UNC5A: variants seen among roughly 807,000 people sequenced by gnomAD.
UNC5A encodes unc-5 netrin receptor A.
A neutral mutation model predicts 87.4 loss-of-function variants in UNC5A; 20 were observed. The observed-to-expected ratio is 0.23, with a 90% CI of 0.16 to 0.33. The LOEUF (loss-of-function observed/expected upper bound fraction) is 0.33, where lower values mean the gene tolerates loss of function less well. Ranked by LOEUF, UNC5A falls within the 10% of genes least tolerant of loss-of-function variation. UNC5A has a pLI of 1.00. For missense variants in UNC5A, 844 were observed against 1,133.4 expected, an observed-to-expected ratio of 0.74 and a Z score of 3.67; for synonymous variants, 438 against 482.3, an observed-to-expected ratio of 0.91 and a Z score of 1.20.
chr5:176,874,143 G>T lies in UNC5A; in HGVS notation c.1062G>T (p.Lys354Asn), dbSNP rs1368240054. 1 of 1,613,498 alleles carries T rather than the reference G, an allele frequency of 6.2e-7. No homozygotes were observed. Among genetic ancestry groups the T allele is most frequent in the Admixed American group, 1.7e-5 (1 of 60,014 alleles). ...LTSGFQPVSIKPSKADNPHLL... is the reference protein window; with the variant it reads ...LTSGFQPVSINPSKADNPHLL... Reference sequence around the variant, plus strand: ...CAGGCTTCCAGCCCGTCAGCATCAAGCCCAGCAAAGCAGGTGAGGGGCCCC... The same window carrying T: ...CAGGCTTCCAGCCCGTCAGCATCAATCCCAGCAAAGCAGGTGAGGGGCCCC... The change falls in exon 7 of 15, where the codon AAG becomes AAT. Residue 354 changes from lysine to asparagine, a missense_variant. By Grantham distance (94) the Lys-to-Asn change is moderately conservative. This residue lies in a region of UNC5A where 353 missense variants were observed against 387.5 expected (regional missense o/e 0.91). Coordinates refer to ENST00000329542, the MANE Select transcript of UNC5A (RefSeq NM_133369.3). This position sits in a 1 kb window ranked among gnomAD's most constrained non-coding sequence, Gnocchi z 7.6.
At chr5:176,826,636 C>CTTTTTTTTTTTTTTTTTTTTTTT (rs34466725) in intron 1 of UNC5A, among the ~76,000 whole-genome samples, 1 of 72,744 alleles carries the variant, frequency 1.4e-5, no homozygotes, top group African/African-American at 4.5e-5. Context: ...AGTTTCCAAA[C>CTTTTTTTTTTTTTTTTTTTTTTT]TTTTTTTTTT....
rs1167562853 is a variant in UNC5A, at chr5:176,835,790, T to G, written c.70+24970T>G. ...TGAAATGATGTGCACATCCTAAGTA[T>G]TCTGGGGTGTAGGTCTCCTGTCTAA... On this transcript the variant is annotated intron_variant, in intron 1 of 14. Transcript: ENST00000329542. Among the ~76,000 whole-genome samples the G allele has an allele frequency of 2.6e-5, 4 of 151,700 alleles. No individual in the cohort carries two copies. The East Asian group carries it at 7.7e-4, about 29-fold the overall frequency.
intron 1 of UNC5A, among the ~76,000 whole-genome samples, chr5:176,855,937 G>C (rs1757656755): frequency 6.6e-6 from 1 of 152,252 alleles, no homozygotes; most frequent in Admixed American, 6.5e-5. Flanking sequence ...CTGGCCCCTC[G>C]CTGTGTTCCT....
chr5:176,856,238 C>T (rs574173569), intron 1 of UNC5A, among the ~76,000 whole-genome samples: 89 of 152,330 alleles, frequency 5.8e-4, no homozygotes, highest in African/African-American at 1.9e-3. Flanking sequence ...GAGTTCCGGG[C>T]GAGTCTTATC....
intron 1 of UNC5A, among the ~76,000 whole-genome samples, chr5:176,830,535 GGT>G (rs1347400978): frequency 1.5e-5 from 2 of 134,096 alleles, no homozygotes; most frequent in South Asian, 2.6e-4. Flanking sequence ...TGTGGGTGTT[GGT>G]GTGTGTGCAT....
chr5:176,822,634 C>G (rs1212059433), intron 1 of UNC5A, among the ~76,000 whole-genome samples: 1 of 152,186 alleles, frequency 6.6e-6, no homozygotes, highest in Non-Finnish European at 1.5e-5. Context: ...CCAGACAGGC[C>G]CAACAAGGAC....
intron 1 of UNC5A, among the ~76,000 whole-genome samples, chr5:176,855,894 G>C (rs1441073455): frequency 6.6e-6 from 1 of 152,228 alleles, no homozygotes; most frequent in Non-Finnish European, 1.5e-5. Flanking sequence ...ATCCAGAACA[G>C]CTCTCAGGGA....
intron 1 of UNC5A, among the ~76,000 whole-genome samples, chr5:176,854,607 G>A (rs946894409): frequency 1.3e-5 from 2 of 152,194 alleles, no homozygotes; most frequent in Admixed American, 1.3e-4. Flanking sequence ...ATTGAACTGA[G>A]GGGTTCATTG....
intron 1 of UNC5A, among the ~76,000 whole-genome samples, chr5:176,850,801 G>C (rs1757522960): frequency 6.6e-6 from 1 of 152,206 alleles, no homozygotes; most frequent in Non-Finnish European, 1.5e-5. Context: ...CTGAGAATGG[G>C]AATCAAAGAT....
At chr5:176,840,457 T>C (rs1300013178) in intron 1 of UNC5A, among the ~76,000 whole-genome samples, 1 of 152,198 alleles carries the variant, frequency 6.6e-6, no homozygotes, top group Non-Finnish European at 1.5e-5. Context: ...CACTTTTCTC[T>C]TTTGTGCTCC....
At chr5:176,858,876 G>T (rs1446771917) in intron 1 of UNC5A, among the ~76,000 whole-genome samples, 1 of 152,148 alleles carries the variant, frequency 6.6e-6, no homozygotes, top group Non-Finnish European at 1.5e-5. Context: ...GAGAGGCTCG[G>T]CTGTGCCTTC....
intron 1 of UNC5A, among the ~76,000 whole-genome samples, chr5:176,812,177 G>A (rs542529495): frequency 7.2e-5 from 11 of 152,246 alleles, no homozygotes; most frequent in East Asian, 1.9e-4. Context: ...GTGTGTGTCC[G>A]TGTCCGCCAC....
intron 1 of UNC5A, among the ~76,000 whole-genome samples, chr5:176,834,701 C>CTCTG (rs1185610052): frequency 3.4e-5 from 5 of 148,496 alleles, no homozygotes; most frequent in African/African-American, 1.2e-4. Flanking sequence ...CTCTCTCTCT[C>CTCTG]TCTGTCTCTC....
intron 1 of UNC5A, among the ~76,000 whole-genome samples, chr5:176,842,938 G>T (rs1219615896): frequency 1.3e-5 from 2 of 152,138 alleles, no homozygotes; most frequent in African/African-American, 4.8e-5. Context: ...GAGGTGGGTG[G>T]ATCACCTGGG....
In UNC5A at chr5:176,865,989, G is replaced by A. The variant is rs1237458618; in HGVS notation, c.293-2141G>A. Among the ~76,000 whole-genome samples the A allele has an allele frequency of 6.6e-6, 1 of 152,212 alleles. No individual in the cohort carries two copies. The highest frequency in any genetic ancestry group is 1.5e-5 in the Non-Finnish European group (1 of 68,032). On this transcript the variant is annotated intron_variant, in intron 2 of 14. Coordinates refer to ENST00000329542, the MANE Select transcript of UNC5A (RefSeq NM_133369.3). The surrounding 1 kb of genome is among the most constrained non-coding windows in gnomAD (Gnocchi z 5.3). ...TATTTTGTGTTAAACAAACTGATTG[G>A]TTATTAGATTGTTTAGAAGCAGATT...
intron 1 of UNC5A, among the ~76,000 whole-genome samples, chr5:176,835,318 T>C (rs1371111594): frequency 1.3e-5 from 2 of 152,240 alleles, no homozygotes; most frequent in Non-Finnish European, 2.9e-5. Context: ...CTGCCAGGCC[T>C]GCCTCTGTCT....
chr5:176,844,182 T>G lies in UNC5A; in HGVS notation c.71-18442T>G, dbSNP rs1015113218. ...TGACTAAACTCAGGTCCATGCTGAT[T>G]GTAGCGTCTCAGGGGACAGATCAGA... On this transcript the variant is annotated intron_variant, in intron 1 of 14. Coordinates refer to ENST00000329542, the MANE Select transcript of UNC5A (RefSeq NM_133369.3). The surrounding 1 kb of genome is among the most constrained non-coding windows in gnomAD (Gnocchi z 4.2). 2.0e-5 allele frequency among the ~76,000 whole-genome samples: 3 copies of G among 152,140 alleles called. No homozygotes were observed. The highest frequency in any genetic ancestry group is 4.4e-5 in the Non-Finnish European group (3 of 68,026).
chr5:176,862,899 C>T lies in UNC5A; in HGVS notation c.292+54C>T, dbSNP rs1012744374. 5.6e-6 allele frequency: 9 copies of T among 1,597,144 alleles called. No individual in the cohort carries two copies. The African/African-American group carries it at 1.2e-4, about 21-fold the overall frequency. On this transcript the variant is annotated intron_variant, in intron 2 of 14. Coordinates refer to ENST00000329542, the MANE Select transcript of UNC5A (RefSeq NM_133369.3). ...CAATCCGGGGGAGGCGAGTTTCGGC[C>T]CCCCCAGAGGAGCCTGCAGCTGCCC...
chr5:176,830,474 G>C (rs1160396880), intron 1 of UNC5A, among the ~76,000 whole-genome samples: 1 of 146,914 alleles, frequency 6.8e-6, no homozygotes, highest in East Asian at 2.0e-4. Flanking sequence ...GTGTGTGCTG[G>C]TGTGTGTGTG....
Sources: gnomAD v4.1 joint callset for allele counts (sites outside exome capture counted in the v4.1 genomes callset) on GRCh38, gnomAD v4.1.1 for gene constraint, gnomAD v4.1.1 regional missense constraint, Gnocchi (gnomAD v3.1) non-coding constraint, MANE v1.5 for transcripts, NCBI Gene and HGNC (gene_info 2026-07-23, HGNC 2026-07-21) for gene names.